Variants in SH3RF3 observed in about 807,000 individuals in gnomAD.
The protein encoded by SH3RF3 is E3 ubiquitin-protein ligase SH3RF3.
SH3RF3 carries 29 observed loss-of-function variants against 66.3 expected under a neutral mutation model. The ratio of observed to expected loss-of-function variants is 0.44; its 90% confidence interval spans 0.33 to 0.60. SH3RF3 has a LOEUF of 0.60. Ranked by LOEUF, SH3RF3 falls within the 20% of genes least tolerant of loss-of-function variation. The pLI, the probability that SH3RF3 is intolerant of heterozygous loss-of-function variation, is 0.04. For missense variants in SH3RF3, 1,194 were observed against 1,190.9 expected (o/e 1.00, Z -0.04); for synonymous variants, 583 against 532.0 (o/e 1.10, Z -1.32).
In SH3RF3 at chr2:109,203,492, C is replaced by T. The variant is rs72952022; in HGVS notation, c.573+73379C>T. Among the ~76,000 whole-genome samples, 34 of 152,260 alleles carry T rather than the reference C, an allele frequency of 2.2e-4. No individual in the cohort carries two copies. In the South Asian group the frequency reaches 4.1e-3, roughly 19 times the overall value. ...TCGCTTCTTAGTTCCTAAGTCCCAC[C>T]GCTCCCCATTGCCTCCTGAATGCAG... On this transcript the variant is annotated intron_variant, in intron 1 of 9. Transcript: ENST00000309415.
intron 1 of SH3RF3, among the ~76,000 whole-genome samples, chr2:109,202,583 A>G (rs1485992864): frequency 6.6e-6 from 1 of 152,184 alleles, no homozygotes; most frequent in Non-Finnish European, 1.5e-5. Flanking sequence ...ATTCTTTAAA[A>G]ATTGAGAATT....
intron 6 of SH3RF3, among the ~76,000 whole-genome samples, chr2:109,436,044 CCACAGGGAGATGGCTGGACCAGG>C (rs1181950444): frequency 6.6e-6 from 1 of 152,124 alleles, no homozygotes; most frequent in Admixed American, 6.5e-5. Context: ...GTGATACCAG[CCACAGGGAGATGGCTGGACCAGG>C]CACAGGAGAC....
chr2:109,238,190 G>T (rs1174378884), intron 1 of SH3RF3, among the ~76,000 whole-genome samples: 1 of 151,964 alleles, frequency 6.6e-6, no homozygotes, highest in Non-Finnish European at 1.5e-5. Flanking sequence ...ACAGAGTGAA[G>T]CCTGTCTCTT....
chr2:109,479,117 G>A (rs1385675433), intron 8 of SH3RF3, among the ~76,000 whole-genome samples: 1 of 152,174 alleles, frequency 6.6e-6, no homozygotes, highest in Admixed American at 6.5e-5. Context: ...TTCTCAACGT[G>A]GACAGCATGA....
chr2:109,487,696 T>C (rs1227331405), intron 8 of SH3RF3, among the ~76,000 whole-genome samples: 1 of 152,034 alleles, frequency 6.6e-6, no homozygotes, highest in African/African-American at 2.4e-5. Context: ...AGCTCCACCA[T>C]ACCCCACGTC....
chr2:109,468,265 A>G (rs1488053819), intron 8 of SH3RF3, among the ~76,000 whole-genome samples: 11 of 152,202 alleles, frequency 7.2e-5, no homozygotes, highest in Admixed American at 6.5e-4. Flanking sequence ...ACTGTGTTGA[A>G]CACCATAGGC....
intron 1 of SH3RF3, among the ~76,000 whole-genome samples, chr2:109,206,708 C>T (rs577257791): frequency 6.6e-6 from 1 of 151,990 alleles, no homozygotes; most frequent in African/African-American, 2.4e-5. Context: ...TCCAGCTACT[C>T]AGGAGACTGA....
chr2:109,315,899 G>T (rs893646486), intron 1 of SH3RF3, among the ~76,000 whole-genome samples: 2 of 152,166 alleles, frequency 1.3e-5, no homozygotes, highest in Non-Finnish European at 1.5e-5. Flanking sequence ...CGTCACCTGC[G>T]ACCAGCATAG....
intron 5 of SH3RF3, among the ~76,000 whole-genome samples, chr2:109,423,929 A>G (rs1243225846): frequency 6.6e-6 from 1 of 152,230 alleles, no homozygotes; most frequent in Non-Finnish European, 1.5e-5. Flanking sequence ...GCAAGTGGGA[A>G]GAGCAGAGAA....
intron 1 of SH3RF3, among the ~76,000 whole-genome samples, chr2:109,228,944 C>G (rs958201035): frequency 1.3e-5 from 2 of 152,186 alleles, no homozygotes; most frequent in Non-Finnish European, 2.9e-5. Context: ...GCTGAAAACT[C>G]CAAGTTTCTG....
intron 1 of SH3RF3, among the ~76,000 whole-genome samples, chr2:109,316,437 T>C (rs994292881): frequency 1.3e-5 from 2 of 152,188 alleles, no homozygotes; most frequent in Admixed American, 1.3e-4. Flanking sequence ...AACACAGGTG[T>C]GATGTCAGTG....
chr2:109,417,647 C>A (rs1382969284), intron 4 of SH3RF3, among the ~76,000 whole-genome samples: 1 of 152,140 alleles, frequency 6.6e-6, no homozygotes, highest in East Asian at 1.9e-4. Context: ...CAATGGAAGT[C>A]ATTTGAGACT....
At position 109,465,405 on chromosome 2, in the gene SH3RF3, A is replaced by G. The variant is rs139424730; in HGVS notation, c.2148+15916A>G. Among the ~76,000 whole-genome samples the G allele has an allele frequency of 2.1e-3, 327 of 152,252 alleles. 2 individuals are homozygous for G. The highest frequency in any genetic ancestry group is 1.9e-3 in the Non-Finnish European group (129 of 68,014). On this transcript the variant is annotated intron_variant, in intron 8 of 9. Coordinates refer to ENST00000309415, the MANE Select transcript of SH3RF3 (RefSeq NM_001099289.3). ...CATTTAGTTTTGTAAGAAACTGCCAACTCTCTTCCAAAGTGGCTGCACCAT... is the reference window on the plus strand; with the variant it reads ...CATTTAGTTTTGTAAGAAACTGCCAGCTCTCTTCCAAAGTGGCTGCACCAT...
chr2:109,388,103 T>C (rs1416483476), intron 3 of SH3RF3, among the ~76,000 whole-genome samples: 1 of 152,102 alleles, frequency 6.6e-6, no homozygotes, highest in Non-Finnish European at 1.5e-5. Context: ...GCACACACAT[T>C]CACCATCCTA....
intron 8 of SH3RF3, among the ~76,000 whole-genome samples, chr2:109,480,174 AAAG>A (rs1250776590): frequency 6.6e-6 from 1 of 152,250 alleles, no homozygotes; most frequent in African/African-American, 2.4e-5. Flanking sequence ...TGCTTTCAGA[AAAG>A]AAGGCGTTGT....
chr2:109,462,166 T>C (rs1415804513), intron 8 of SH3RF3, among the ~76,000 whole-genome samples: 1 of 149,758 alleles, frequency 6.7e-6, no homozygotes, highest in African/African-American at 2.5e-5. Flanking sequence ...CACAAGGCCA[T>C]CAATGTCATG....
chr2:109,345,829 G>C (rs1371563415), intron 1 of SH3RF3, among the ~76,000 whole-genome samples: 2 of 152,210 alleles, frequency 1.3e-5, no homozygotes, highest in African/African-American at 4.8e-5. Flanking sequence ...TCTGGGCCAG[G>C]TCATTCTTTG....
chr2:109,275,813 C>T (rs1011229360), intron 1 of SH3RF3, among the ~76,000 whole-genome samples: 2 of 152,158 alleles, frequency 1.3e-5, no homozygotes, highest in Admixed American at 6.5e-5. Context: ...GGATCTGAAG[C>T]GTTCGCGGGG....
chr2:109,192,448 C>T (rs897200783), intron 1 of SH3RF3, among the ~76,000 whole-genome samples: 7 of 152,144 alleles, frequency 4.6e-5, no homozygotes, highest in Non-Finnish European at 8.8e-5. Flanking sequence ...AGGAAATGCA[C>T]TTTTATTATT....
Sources: allele counts gnomAD v4.1 joint callset (sites outside exome capture counted in the v4.1 genomes callset), GRCh38; gene constraint gnomAD v4.1.1; transcripts MANE v1.5; gene names NCBI Gene and HGNC (gene_info 2026-07-23, HGNC 2026-07-21).